Variants in CYP4B1 observed in about 807,000 individuals in gnomAD.
CYP4B1 encodes cytochrome P450 family 4 subfamily B member 1, also known as cytochrome P450 4B1.
In CYP4B1, 45 loss-of-function variants were observed where a neutral mutation model predicts 54.0. The ratio of observed to expected loss-of-function variants is 0.83; its 90% confidence interval spans 0.66 to 1.07. The LOEUF (loss-of-function observed/expected upper bound fraction) is 1.07. Among genes scored for constraint, CYP4B1 ranks in the 50% least tolerant of loss-of-function variants. CYP4B1 has a pLI of 0.00. For missense variants in CYP4B1, 656 were observed against 655.4 expected (o/e 1.00, Z -0.01); for synonymous variants, 248 against 247.5 (o/e 1.00, Z -0.02).
At chr1:46,814,932 T>C (rs550699009) in intron 7 of CYP4B1, 142 bp from the exon 8 acceptor site, 110 of 679,698 alleles carry the variant, frequency 1.6e-4, no homozygotes. Flanking sequence ...TATAGGAATC[T>C]GGGGGAAGGT....
chr1:46,811,123 A>G lies in CYP4B1; in HGVS notation c.323-17A>G. On this transcript the variant is annotated splice_polypyrimidine_tract_variant and intron_variant, in intron 2 of 11. Coordinates refer to ENST00000371923, the MANE Select transcript of CYP4B1 (RefSeq NM_001099772.2). The stretch of plus-strand genomic sequence containing the variant: ...GAACCCCGGGTCCCTGCTTGACCTG[A>G]TTGTCTCCTCCTGCAGACCCTAAGG... 1 of 1,613,954 alleles carries G rather than the reference A, an allele frequency of 6.2e-7. No homozygotes were observed. Among genetic ancestry groups the G allele is most frequent in the Non-Finnish European group, 8.5e-7 (1 of 1,179,932 alleles).
intron 1 of CYP4B1, among the ~76,000 whole-genome samples, chr1:46,809,329 G>A (rs1679002389): frequency 6.6e-6 from 1 of 152,174 alleles, no homozygotes; most frequent in South Asian, 2.1e-4. Flanking sequence ...CAACATTGGA[G>A]ATCAGATTTC....
intron 6 of CYP4B1, 27 bp from the exon 7 acceptor site, chr1:46,814,182 C>A (rs759345617): frequency 6.2e-7 from 1 of 1,612,288 alleles, no homozygotes; most frequent in Non-Finnish European, 8.5e-7. Context: ...GCTTCCCAGG[C>A]AGTGACACTC....
intron 3 of CYP4B1, 73 bp from the exon 4 acceptor site, chr1:46,812,423 G>A (rs186729867): frequency 4.9e-5 from 74 of 1,521,304 alleles, no homozygotes; most frequent in East Asian, 2.6e-4. Context: ...GGATGGAGTC[G>A]TGTAGGATGT....
intron 8 of CYP4B1, among the ~76,000 whole-genome samples, chr1:46,816,563 C>T (rs45611936): frequency 3.6e-4 from 54 of 149,940 alleles, no homozygotes; most frequent in African/African-American, 1.3e-3. Context: ...CTGAGCTTCC[C>T]GGTTGCCAAA....
chr1:46,811,243 T>G, intron 3 of CYP4B1, 59 bp downstream of exon 3: 1 of 1,562,048 alleles, frequency 6.4e-7, no homozygotes, highest in Non-Finnish European at 8.8e-7. Context: ...GCTGGGTGAC[T>G]AGGATCCTGG....
In CYP4B1 at chr1:46,815,114, C is replaced by T; in HGVS notation, c.923C>T (p.Ala308Val). Reference sequence around the variant, plus strand: ...AAACTGTCAGATGCAGACCTCCGGGCTGAAGTGGACACATTCATGTTTGAA... The same window carrying T: ...AAACTGTCAGATGCAGACCTCCGGGTTGAAGTGGACACATTCATGTTTGAA... The part of the protein sequence containing the change: ...DIKLSDADLR[A>V]EVDTFMFEGH... Residue 308 changes from alanine (A) to valine (V), a missense_variant, in exon 8 of 12, where the codon GCT (alanine) becomes GTT (valine). Transcript: ENST00000371923. 2 of 1,614,214 alleles carry T rather than the reference C, an allele frequency of 1.2e-6. No individual in the cohort carries two copies. Among genetic ancestry groups the T allele is most frequent in the South Asian group, 2.2e-5 (2 of 91,084 alleles).
chr1:46,799,834 G>A (rs989273343), intron 1 of CYP4B1, among the ~76,000 whole-genome samples: 18 of 152,230 alleles, frequency 1.2e-4, no homozygotes, highest in East Asian at 9.6e-4. Context: ...ATCATGGTTC[G>A]TCTTCCTGTT....
chr1:46,813,539 G>T lies in CYP4B1; in HGVS notation c.553G>T (p.Gly185Cys). Residue 185 changes from glycine to cysteine, a missense_variant, in exon 5 of 12, where the codon GGT becomes TGT. Transcript: ENST00000371923. ...GTCCTTTGACATCTTCTGCGATGTGGGTCACATGGCGCTGAACACACTCAT... is the reference window on the plus strand; with the variant it reads ...GTCCTTTGACATCTTCTGCGATGTGTGTCACATGGCGCTGAACACACTCAT... Reference protein sequence around the residue: ...GKSFDIFCDVGHMALNTLMKC... With the variant: ...GKSFDIFCDVCHMALNTLMKC... The T allele has an allele frequency of 6.2e-7, 1 of 1,614,164 alleles. No individual in the cohort carries two copies.
intron 1 of CYP4B1, among the ~76,000 whole-genome samples, chr1:46,807,372 G>A (rs1385201193): frequency 6.6e-6 from 1 of 152,168 alleles, no homozygotes; most frequent in Non-Finnish European, 1.5e-5. Context: ...AAGATCCTAT[G>A]AGTCTGGCTT....
chr1:46,817,348 C>T, intron 9 of CYP4B1, 167 bp downstream of exon 9: 2 of 702,216 alleles, frequency 2.8e-6, no homozygotes, highest in Non-Finnish European at 4.7e-6. Context: ...AATTCTTCTA[C>T]CTCTGAGCCT....
chr1:46,816,606 T>C (rs1482806676), intron 8 of CYP4B1, among the ~76,000 whole-genome samples: 4 of 110,508 alleles, frequency 3.6e-5, no homozygotes, highest in South Asian at 3.5e-4. Flanking sequence ...ACACACACAC[T>C]TCACCTCATT....
Position 46,817,128 on chromosome 1 carries a change from A to T in CYP4B1, c.1154A>T (p.Tyr385Phe). Reference protein sequence around the residue: ...FRLYPPVPQVYRQLSKPVTFV... With the variant: ...FRLYPPVPQVFRQLSKPVTFV... ...CTCTACCCACCTGTGCCCCAGGTGT[A>T]CCGCCAGCTCAGCAAGCCTGTCACC... Residue 385 changes from tyrosine to phenylalanine, a missense_variant, in exon 9 of 12, where the codon TAC becomes TTC. By Grantham distance (22) the Tyr-to-Phe change is conservative. Transcript: ENST00000371923. 6.2e-7 allele frequency: 1 copy of T among 1,614,164 alleles called. No homozygotes were observed. Among genetic ancestry groups the T allele is most frequent in the Non-Finnish European group, 8.5e-7 (1 of 1,180,024 alleles).
In CYP4B1 at chr1:46,817,556, T is replaced by C. The variant is rs568313323; in HGVS notation, c.1207+375T>C. ...TGCACAACTGTATGTGGTAGCTTCA[T>C]AAAGAGTGTTAAGCCTGTACCTGGT... On this transcript the variant is annotated intron_variant, in intron 9 of 11. Transcript: ENST00000371923. Among the ~76,000 whole-genome samples, 3 of 152,308 alleles carry C rather than the reference T, an allele frequency of 2.0e-5. No homozygotes were observed. In the South Asian group the frequency reaches 6.2e-4, roughly 32 times the overall value.
At chr1:46,810,976 G>T (rs746523783) in intron 2 of CYP4B1, 27 bp downstream of exon 2, 2 of 1,613,348 alleles carry the variant, frequency 1.2e-6, no homozygotes, top group East Asian at 2.2e-5. Context: ...GGGATCTCAG[G>T]AGAGGGTGGG....
intron 8 of CYP4B1, 138 bp from the exon 9 acceptor site, chr1:46,816,910 A>G: frequency 1.0e-6 from 1 of 978,812 alleles, no homozygotes; most frequent in Admixed American, 2.0e-5. Flanking sequence ...TAGCCTGGCC[A>G]GGGGCACTTG....
rs1679444837 is a variant in CYP4B1 at position 46,818,823 on chromosome 1, A to C, written c.*9A>C. ...CTGGGTCTGGGAAGTAGCTCTGATG[A>C]GAATGGGGTCCCAGATGGCTCAGGC... On this transcript the variant is annotated 3_prime_UTR_variant, in exon 12 of 12. Coordinates refer to ENST00000371923, the MANE Select transcript of CYP4B1 (RefSeq NM_001099772.2). 5 of 1,613,702 alleles carry C rather than the reference A, an allele frequency of 3.1e-6. No homozygotes were observed. In the Admixed American group the frequency reaches 8.3e-5, roughly 27 times the overall value.
intron 1 of CYP4B1, among the ~76,000 whole-genome samples, chr1:46,804,024 G>T (rs1569860660): frequency 6.6e-6 from 1 of 152,328 alleles, no homozygotes; most frequent in African/African-American, 2.4e-5. Flanking sequence ...TGGACCTCAG[G>T]AGAAAGGTAA....
At chr1:46,800,537 G>A (rs1678616639) in intron 1 of CYP4B1, among the ~76,000 whole-genome samples, 1 of 151,752 alleles carries the variant, frequency 6.6e-6, no homozygotes, top group African/African-American at 2.4e-5. Flanking sequence ...ACTATGTTGG[G>A]CAGGCTGGTC....
Sources: gnomAD v4.1 joint callset for allele counts (sites outside exome capture counted in the v4.1 genomes callset) on GRCh38, gnomAD v4.1.1 for gene constraint, MANE v1.5 for transcripts, NCBI Gene and HGNC (gene_info 2026-07-23, HGNC 2026-07-21) for gene names.